ENOX1: variants seen among roughly 807,000 people sequenced by gnomAD.
ENOX1 encodes candidate growth-related and time keeping constitutive hydroquinone (NADH) oxidase.
ENOX1 carries 42 observed loss-of-function variants against 82.5 expected under a neutral mutation model. That is an observed-to-expected ratio of 0.51 (90% CI 0.40 to 0.66). The LOEUF (loss-of-function observed/expected upper bound fraction) is 0.66. Ranked by LOEUF, ENOX1 falls within the 30% of genes least tolerant of loss-of-function variation. The pLI is 0.00. For synonymous variants in ENOX1, 271 were observed against 282.2 expected, an observed-to-expected ratio of 0.96 and a Z score of 0.40; for missense variants, 608 against 811.6, an observed-to-expected ratio of 0.75 and a Z score of 3.05.
At chr13:43,735,523 C>T (rs562915312) in intron 1 of ENOX1, among the ~76,000 whole-genome samples, 16 of 152,150 alleles carry the variant, frequency 1.1e-4, no homozygotes, top group African/African-American at 3.4e-4. Context: ...AGTTCAAGAC[C>T]AGCCTGGGTA....
At chr13:43,715,536 C>T (rs1016368615) in intron 1 of ENOX1, among the ~76,000 whole-genome samples, 2 of 152,082 alleles carry the variant, frequency 1.3e-5, no homozygotes, top group African/African-American at 4.8e-5. Context: ...TGGGGAAGTT[C>T]TCCTGGATAA....
At chr13:43,752,708 C>G (rs933829997) in intron 1 of ENOX1, among the ~76,000 whole-genome samples, 5 of 152,154 alleles carry the variant, frequency 3.3e-5, no homozygotes, top group Non-Finnish European at 7.4e-5. Context: ...CTGCCTCTTT[C>G]TTCTGTTCCA....
rs117562744 is a variant in ENOX1 at position 43,423,265 on chromosome 13, C to G, written c.-74-10277G>C. On this transcript the variant is annotated intron_variant, in intron 3 of 16. Coordinates refer to ENST00000690772, the MANE Select transcript of ENOX1 (RefSeq NM_001347969.2). Reference sequence around the variant, plus strand: ...TGCTGTCATATGTTGTTGTTTTCTACTTTCCAAAATACACAGACCATAAAA... The same window carrying G: ...TGCTGTCATATGTTGTTGTTTTCTAGTTTCCAAAATACACAGACCATAAAA... Among the ~76,000 whole-genome samples, 487 of 152,176 alleles carry G rather than the reference C, an allele frequency of 3.2e-3. 1 individual carries two copies. Among genetic ancestry groups the G allele is most frequent in the Non-Finnish European group, 5.7e-3 (385 of 67,992 alleles).
chr13:43,699,194 T>C (rs1039945998), intron 1 of ENOX1, among the ~76,000 whole-genome samples: 1 of 152,228 alleles, frequency 6.6e-6, no homozygotes, highest in African/African-American at 2.4e-5. Flanking sequence ...CATATCGCAC[T>C]GAGGCATCAG....
At chr13:43,560,808 A>G (rs1483364895) in intron 2 of ENOX1, among the ~76,000 whole-genome samples, 1 of 152,186 alleles carries the variant, frequency 6.6e-6, no homozygotes, top group Non-Finnish European at 1.5e-5. Flanking sequence ...TGTCATGCTT[A>G]TCTTAGGTAA....
chr13:43,252,340 C>A (rs973446862), intron 14 of ENOX1, among the ~76,000 whole-genome samples: 5 of 152,162 alleles, frequency 3.3e-5, no homozygotes, highest in African/African-American at 1.2e-4. Context: ...GTGTTCCAAG[C>A]CTGGCGGAAT....
intron 11 of ENOX1, among the ~76,000 whole-genome samples, chr13:43,305,810 A>G (rs2046825588): frequency 6.6e-6 from 1 of 152,246 alleles, no homozygotes; most frequent in African/African-American, 2.4e-5. Flanking sequence ...TCTGTCATTT[A>G]AAACACTGTT....
At chr13:43,734,895 A>C (rs1203712673) in intron 1 of ENOX1, among the ~76,000 whole-genome samples, 1 of 152,150 alleles carries the variant, frequency 6.6e-6, no homozygotes, top group African/African-American at 2.4e-5. Flanking sequence ...GTTTTTAGAG[A>C]TCCCATACCA....
rs542030159 is a variant in ENOX1 at position 43,248,013 on chromosome 13, G to A, written c.1612-11275C>T. Among the ~76,000 whole-genome samples, 28 of 143,550 alleles carry A rather than the reference G, an allele frequency of 2.0e-4. No homozygotes were observed. The East Asian group carries it at 3.1e-3, about 16-fold the overall frequency. 94.2% of individuals were successfully genotyped at this position (143,550 alleles called of 152,430 possible). ...CCATTCTCCTGCCTCAGCCTCCCAAGTACCTGGGACTACAGGCGCCCGCCA... is the reference window on the plus strand; with the variant it reads ...CCATTCTCCTGCCTCAGCCTCCCAAATACCTGGGACTACAGGCGCCCGCCA... On this transcript the variant is annotated intron_variant, in intron 14 of 16. Transcript: ENST00000690772.
chr13:43,643,932 C>T (rs1325355915), intron 2 of ENOX1, among the ~76,000 whole-genome samples: 1 of 152,082 alleles, frequency 6.6e-6, no homozygotes, highest in African/African-American at 2.4e-5. Flanking sequence ...AAATATTATT[C>T]TGCTCATTGT....
In ENOX1 at chr13:43,783,444, AG is replaced by A. The variant is rs1217648167; in HGVS notation, c.-285+3207del. ...GAAAGAATAATCAAGGAGAGAAATG[AG>A]GGGGAAATGGTCAAGTGTGACCCAG... On this transcript the variant is annotated intron_variant, in intron 1 of 16. Coordinates refer to ENST00000690772, the MANE Select transcript of ENOX1 (RefSeq NM_001347969.2). Among the ~76,000 whole-genome samples, 7 of 152,158 alleles carry A rather than the reference AG, an allele frequency of 4.6e-5. No homozygotes were observed. The East Asian group carries it at 1.3e-3, about 29-fold the overall frequency.
At chr13:43,718,706 A>AAAAAAG (rs2088335782) in intron 1 of ENOX1, among the ~76,000 whole-genome samples, 1 of 130,146 alleles carries the variant, frequency 7.7e-6, no homozygotes, top group African/African-American at 2.7e-5. Flanking sequence ...AAAAAAAAAA[A>AAAAAAG]AAATTAGAAT....
intron 2 of ENOX1, among the ~76,000 whole-genome samples, chr13:43,647,923 A>G (rs977676859): frequency 6.6e-6 from 1 of 152,176 alleles, no homozygotes; most frequent in Non-Finnish European, 1.5e-5. Context: ...TCGACCCACC[A>G]TTGCTGGCTT....
intron 14 of ENOX1, among the ~76,000 whole-genome samples, chr13:43,260,204 C>T (rs1391725414): frequency 6.6e-6 from 1 of 152,216 alleles, no homozygotes; most frequent in Non-Finnish European, 1.5e-5. Flanking sequence ...AACGTCTTTA[C>T]TCTGACAGAC....
rs534166037 is a variant in ENOX1 at position 43,639,281 on chromosome 13, G to A, written c.-219+28198C>T. Among the ~76,000 whole-genome samples the A allele has an allele frequency of 3.3e-4, 50 of 152,174 alleles. 1 individual carries two copies. The South Asian group carries it at 9.6e-3, about 29-fold the overall frequency. On this transcript the variant is annotated intron_variant, in intron 2 of 16. Transcript: ENST00000690772. ...GGCGCCACTGCACTCCAACCTGGGC[G>A]GCAGAGTGAGAATCCACCTCAAAAA...
chr13:43,646,104 T>A (rs1462246919), intron 2 of ENOX1, among the ~76,000 whole-genome samples: 3 of 152,214 alleles, frequency 2.0e-5, no homozygotes, highest in Non-Finnish European at 4.4e-5. Context: ...AGGTATGAAG[T>A]AACCACCTGG....
At chr13:43,635,104 GA>G (rs2083364331) in intron 2 of ENOX1, among the ~76,000 whole-genome samples, 1 of 152,128 alleles carries the variant, frequency 6.6e-6, no homozygotes, top group African/African-American at 2.4e-5. Flanking sequence ...AACGAACACA[GA>G]AAGCCTGAAA....
At chr13:43,235,295 T>A (rs1326160808) in intron 15 of ENOX1, among the ~76,000 whole-genome samples, 1 of 152,216 alleles carries the variant, frequency 6.6e-6, no homozygotes, top group Non-Finnish European at 1.5e-5. Flanking sequence ...TAAGTTGATG[T>A]CATATTCAAT....
At chr13:43,680,895 A>C (rs2085751129) in intron 1 of ENOX1, among the ~76,000 whole-genome samples, 1 of 152,188 alleles carries the variant, frequency 6.6e-6, no homozygotes, top group Admixed American at 6.6e-5. Flanking sequence ...CTTCCTGATG[A>C]ATCCTAACTA....
Sources: allele counts gnomAD v4.1 joint callset (sites outside exome capture counted in the v4.1 genomes callset), GRCh38; gene constraint gnomAD v4.1.1; transcripts MANE v1.5; gene names NCBI Gene and HGNC (gene_info 2026-07-23, HGNC 2026-07-21).